The following RALY variants were observed in gnomAD, a reference collection of about 807,000 sequenced individuals.
RALY encodes the protein RALY heterogeneous nuclear ribonucleoprotein.
Under a neutral mutation model 30.7 loss-of-function variants are expected in RALY, and 15 were observed. The ratio of observed to expected loss-of-function variants is 0.49; its 90% CI spans 0.33 to 0.75. The LOEUF (loss-of-function observed/expected upper bound fraction) is 0.75. Among genes scored for constraint, RALY ranks in the 30% least tolerant of loss-of-function variants. The pLI, the probability that RALY is intolerant of heterozygous loss-of-function variation, is 0.02. For synonymous variants in RALY, 177 were observed against 170.8 expected, an observed-to-expected ratio of 1.04 and a Z score of -0.28; for missense variants, 339 against 414.3, an observed-to-expected ratio of 0.82 and a Z score of 1.58.
At chr20:34,028,066 C>G (rs1452782871) in intron 1 of RALY, among the ~76,000 whole-genome samples, 3 of 152,058 alleles carry the variant, frequency 2.0e-5, no homozygotes, top group African/African-American at 7.2e-5. Context: ...CCAAGGCAAG[C>G]AGATAACTTG....
At chr20:34,059,953 A>G (rs779926986) in intron 2 of RALY, among the ~76,000 whole-genome samples, 3 of 152,098 alleles carry the variant, frequency 2.0e-5, no homozygotes, top group African/African-American at 2.4e-5. Flanking sequence ...TCTTCCACCT[A>G]ATTTCTCAAG....
intron 2 of RALY, among the ~76,000 whole-genome samples, chr20:34,066,622 C>T (rs1040581379): frequency 1.5e-4 from 23 of 151,798 alleles, no homozygotes; most frequent in Admixed American, 8.5e-4. Flanking sequence ...AACTCCAGGC[C>T]TCAAAGGATC....
intron 8 of RALY, chr20:34,077,544 C>G: frequency 1.9e-6 from 1 of 512,962 alleles, no homozygotes; most frequent in Non-Finnish European, 3.5e-6. Flanking sequence ...AGGGAGCACA[C>G]ACGGCCTGCA....
chr20:33,999,307 A>T (rs2030800738), intron 1 of RALY, among the ~76,000 whole-genome samples: 1 of 152,042 alleles, frequency 6.6e-6, no homozygotes, highest in Admixed American at 6.5e-5. Context: ...GGGAGGGGGT[A>T]GGGTTTCTTA....
chr20:34,057,820 TGAG>T (rs993083766), intron 2 of RALY, among the ~76,000 whole-genome samples: 2 of 151,936 alleles, frequency 1.3e-5, no homozygotes, highest in Admixed American at 6.6e-5. Context: ...TGAGGCCAAA[TGAG>T]GAGGGCGTGG....
chr20:34,069,714 G>A (rs1405939399), intron 2 of RALY, among the ~76,000 whole-genome samples: 1 of 152,190 alleles, frequency 6.6e-6, no homozygotes, highest in Admixed American at 6.5e-5. Context: ...CATGTATTGA[G>A]CATTTCCTGC....
Position 34,037,701 on chromosome 20 carries a change from T to C in RALY, c.-10+6097T>C, listed in dbSNP as rs1402916053. Among the ~76,000 whole-genome samples the C allele has an allele frequency of 3.3e-5, 5 of 152,236 alleles. No individual in the cohort carries two copies. The East Asian group carries it at 9.6e-4, about 29-fold the overall frequency. ...AGTGCTATATAAAACCATTGGATAG[T>C]GTACAAATGTACAAGACTATTAATG... On this transcript the variant is annotated intron_variant, in intron 2 of 9. Coordinates refer to ENST00000246194, the MANE Select transcript of RALY (RefSeq NM_016732.3).
At chr20:34,018,403 C>T (rs1407494233) in intron 1 of RALY, among the ~76,000 whole-genome samples, 1 of 152,180 alleles carries the variant, frequency 6.6e-6, no homozygotes, top group African/African-American at 2.4e-5. Flanking sequence ...GTTCGTCTGG[C>T]CCAGGCAAAT....
At chr20:34,034,097 C>T (rs2032385326) in intron 2 of RALY, among the ~76,000 whole-genome samples, 1 of 152,194 alleles carries the variant, frequency 6.6e-6, no homozygotes, top group Non-Finnish European at 1.5e-5. Context: ...GAGATGTTGC[C>T]TTGTTCCCTG....
chr20:34,039,146 A>G (rs1225593201), intron 2 of RALY, among the ~76,000 whole-genome samples: 6 of 152,220 alleles, frequency 3.9e-5, no homozygotes, highest in South Asian at 2.1e-4. Context: ...AGAAGTCTCA[A>G]CTTCGGTCCT....
chr20:34,072,358 A>G (rs775515765), intron 3 of RALY, 28 bp downstream of exon 3: 7 of 1,595,852 alleles, frequency 4.4e-6, no homozygotes, highest in South Asian at 3.3e-5. Context: ...ATATTCTCCT[A>G]GTATTCTCTA....
At chr20:34,011,313 G>A (rs1167375978) in intron 1 of RALY, among the ~76,000 whole-genome samples, 4 of 152,136 alleles carry the variant, frequency 2.6e-5, no homozygotes, top group African/African-American at 4.8e-5. Context: ...GTCTGGCATC[G>A]CCAGACCTCT....
intron 1 of RALY, among the ~76,000 whole-genome samples, chr20:34,011,127 A>G (rs2031383377): frequency 2.0e-5 from 3 of 152,118 alleles, no homozygotes; most frequent in African/African-American, 7.2e-5. Context: ...GTGTCAGTAT[A>G]CTTATTTTTT....
At chr20:34,003,793 C>A in intron 1 of RALY, among the ~76,000 whole-genome samples, 1 of 151,924 alleles carries the variant, frequency 6.6e-6, no homozygotes, top group Non-Finnish European at 1.5e-5. Flanking sequence ...GCGCCCGCCA[C>A]TACGCCTGGC....
At chr20:34,034,933 A>G (rs1390984068) in intron 2 of RALY, among the ~76,000 whole-genome samples, 1 of 152,068 alleles carries the variant, frequency 6.6e-6, no homozygotes, top group Non-Finnish European at 1.5e-5. Flanking sequence ...CAGGTGGATC[A>G]CAAGGTCAGG....
At chr20:34,031,352 C>T (rs576030968) in intron 1 of RALY, among the ~76,000 whole-genome samples, 170 bp from the exon 2 acceptor site, 8 of 152,058 alleles carry the variant, frequency 5.3e-5, no homozygotes, top group East Asian at 1.9e-4. Context: ...TGAGCCACCG[C>T]GCCAGGCGTG....
intron 2 of RALY, among the ~76,000 whole-genome samples, chr20:34,053,868 A>T (rs1002330026): frequency 6.6e-6 from 1 of 152,112 alleles, no homozygotes; most frequent in South Asian, 2.1e-4. Context: ...CTCTGTCACT[A>T]TTGATATTGC....
At chr20:34,076,257 TG>T (rs1380279425) in intron 6 of RALY, 2 of 632,548 alleles carry the variant, frequency 3.2e-6, no homozygotes, top group Non-Finnish European at 5.3e-6. Flanking sequence ...GTGCTGGATA[TG>T]GTGCCCAGTG....
At chr20:34,027,165 G>A (rs1362481027) in intron 1 of RALY, among the ~76,000 whole-genome samples, 1 of 152,156 alleles carries the variant, frequency 6.6e-6, no homozygotes, top group African/African-American at 2.4e-5. Context: ...AAGAACTTTA[G>A]TTTTTCTGGT....
Sources: gnomAD v4.1 joint callset for allele counts (sites outside exome capture counted in the v4.1 genomes callset) on GRCh38, gnomAD v4.1.1 for gene constraint, MANE v1.5 for transcripts, NCBI Gene and HGNC (gene_info 2026-07-23, HGNC 2026-07-21) for gene names.